The following INPP4B variants were observed in gnomAD, a reference collection of about 807,000 sequenced individuals.
INPP4B encodes the protein inositol polyphosphate 4-phosphatase type II.
In INPP4B, 55 loss-of-function variants were observed where a neutral mutation model predicts 122.5. The observed-to-expected ratio is 0.45, with a 90% confidence interval of 0.36 to 0.56. INPP4B has a LOEUF of 0.56. Ranked by LOEUF, INPP4B falls within the 20% of genes least tolerant of loss-of-function variation. The pLI is 0.00. For missense variants in INPP4B, 1,000 were observed against 1,097.7 expected, an observed-to-expected ratio of 0.91 and a Z score of 1.26; for synonymous variants, 403 against 388.7, an observed-to-expected ratio of 1.04 and a Z score of -0.43.
intron 13 of INPP4B, among the ~76,000 whole-genome samples, 176 bp downstream of exon 13, chr4:142,208,720 G>C (rs984773558): frequency 7.9e-5 from 12 of 151,924 alleles, no homozygotes; most frequent in African/African-American, 2.7e-4. Flanking sequence ...TAATAATTCT[G>C]TAAGGTAAAA....
intron 4 of INPP4B, 60 bp downstream of exon 4, chr4:142,431,109 T>C: frequency 7.8e-7 from 1 of 1,284,894 alleles, no homozygotes; most frequent in Non-Finnish European, 1.1e-6. Flanking sequence ...ATGTGTAAGT[T>C]TCATCGGCCC....
Position 142,632,062 on chromosome 4 carries a change from T to A in INPP4B, c.-191+93777A>T, listed in dbSNP as rs1748089153. Among the ~76,000 whole-genome samples, 5 of 152,170 alleles carry A rather than the reference T, an allele frequency of 3.3e-5. No homozygotes were observed. The South Asian group carries it at 1.0e-3, about 31-fold the overall frequency. On this transcript the variant is annotated intron_variant, in intron 2 of 25. Transcript: ENST00000262992. ...TGTCATTCTCTCAAACAGACAAGAATGCTATGTGCGTCATAGCCTATAATT... is the reference window on the plus strand; with the variant it reads ...TGTCATTCTCTCAAACAGACAAGAAAGCTATGTGCGTCATAGCCTATAATT...
At chr4:142,302,049 C>T (rs891676951) in intron 9 of INPP4B, among the ~76,000 whole-genome samples, 1 of 152,076 alleles carries the variant, frequency 6.6e-6, no homozygotes, top group Non-Finnish European at 1.5e-5. Context: ...AAAATTACAT[C>T]AGGTTGGTAG....
intron 2 of INPP4B, among the ~76,000 whole-genome samples, chr4:142,575,315 A>T (rs981911389): frequency 6.6e-6 from 1 of 152,044 alleles, no homozygotes; most frequent in Non-Finnish European, 1.5e-5. Context: ...AAATCAAAAC[A>T]AGAGTCATAG....
At chr4:142,384,797 ACCC>A (rs1795404129) in intron 7 of INPP4B, among the ~76,000 whole-genome samples, 1 of 152,052 alleles carries the variant, frequency 6.6e-6, no homozygotes, top group Non-Finnish European at 1.5e-5. Flanking sequence ...TAAGCCTAGT[ACCC>A]AATAGTTATT....
intron 2 of INPP4B, among the ~76,000 whole-genome samples, chr4:142,525,873 G>A: frequency 6.6e-6 from 1 of 151,260 alleles, no homozygotes; most frequent in Non-Finnish European, 1.5e-5. Context: ...GGCAACAAAA[G>A]ACAAAATTGA....
At position 142,254,866 on chromosome 4, in the gene INPP4B, A is replaced by G. The variant is rs201265425; in HGVS notation, c.688+5626T>C. Among the ~76,000 whole-genome samples the G allele has an allele frequency of 2.6e-5, 4 of 151,716 alleles. No homozygotes were observed. The East Asian group carries it at 7.8e-4, about 29-fold the overall frequency. On this transcript the variant is annotated intron_variant, in intron 11 of 25. Coordinates refer to ENST00000262992, the MANE Select transcript of INPP4B (RefSeq NM_001101669.3). Reference sequence around the variant, plus strand: ...GAAATACAGAGAATGCCACAAAGATACTCCTCGAGAAGAGCAACTCCAAGA... The same window carrying G: ...GAAATACAGAGAATGCCACAAAGATGCTCCTCGAGAAGAGCAACTCCAAGA...
chr4:142,673,722 G>A (rs762157801), intron 2 of INPP4B, among the ~76,000 whole-genome samples: 4 of 152,158 alleles, frequency 2.6e-5, no homozygotes, highest in African/African-American at 4.8e-5. Flanking sequence ...GACAACCTGA[G>A]TGTCAGTTGC....
At chr4:142,081,992 G>T in intron 25 of INPP4B, 39 bp downstream of exon 25, 3 of 1,257,568 alleles carry the variant, frequency 2.4e-6, no homozygotes, top group South Asian at 2.3e-5. Flanking sequence ...AACTCAAAAT[G>T]ACCTTAAAAG....
intron 7 of INPP4B, among the ~76,000 whole-genome samples, chr4:142,341,422 C>G (rs62328288): frequency 1.1e-4 from 1 of 8,708 alleles, no homozygotes; most frequent in Non-Finnish European, 5.9e-4. Flanking sequence ...AATACATAGG[C>G]ATTTGAGTAA....
intron 3 of INPP4B, among the ~76,000 whole-genome samples, chr4:142,436,657 G>A (rs1562096934): frequency 1.3e-5 from 2 of 152,092 alleles, no homozygotes; most frequent in Non-Finnish European, 2.9e-5. Flanking sequence ...AACCACAGCA[G>A]CCCTACAGAA....
chr4:142,745,590 G>C (rs1382645583), intron 1 of INPP4B, among the ~76,000 whole-genome samples: 1 of 151,728 alleles, frequency 6.6e-6, no homozygotes, highest in Non-Finnish European at 1.5e-5. Flanking sequence ...GTAACCCTTG[G>C]AATAAATACT....
rs555185758 is a variant in INPP4B, at chr4:142,258,505, A to T, written c.688+1987T>A. On this transcript the variant is annotated intron_variant, in intron 11 of 25. Transcript: ENST00000262992. ...CTACAATGAACTCAAACAAATTTACAAGAAAACAACAAACAACCCCATCAA... is the reference window on the plus strand; with the variant it reads ...CTACAATGAACTCAAACAAATTTACTAGAAAACAACAAACAACCCCATCAA... 2.0e-5 allele frequency among the ~76,000 whole-genome samples: 3 copies of T among 152,366 alleles called. No homozygotes were observed. In the South Asian group the frequency reaches 6.2e-4, roughly 32 times the overall value.
At chr4:142,836,064 G>T (rs1036679380) in intron 1 of INPP4B, among the ~76,000 whole-genome samples, 12 of 152,140 alleles carry the variant, frequency 7.9e-5, no homozygotes, top group African/African-American at 2.9e-4. Flanking sequence ...CATATGGCAT[G>T]AAAAGTCCCC....
chr4:142,087,601 A>G (rs1777471371), intron 23 of INPP4B, among the ~76,000 whole-genome samples: 1 of 152,196 alleles, frequency 6.6e-6, no homozygotes. Flanking sequence ...ACAGGAGAAA[A>G]TAAGATGGAC....
At chr4:142,219,686 T>A (rs945090156) in intron 12 of INPP4B, among the ~76,000 whole-genome samples, 1 of 152,178 alleles carries the variant, frequency 6.6e-6, no homozygotes, top group African/African-American at 2.4e-5. Flanking sequence ...GTGCCCACAA[T>A]TTCAGAAATA....
At chr4:142,580,072 G>A (rs147488373) in intron 2 of INPP4B, among the ~76,000 whole-genome samples, 2 of 151,354 alleles carry the variant, frequency 1.3e-5, no homozygotes, top group Non-Finnish European at 2.9e-5. Context: ...GGGGTGGAGG[G>A]AGCTGTGGAA....
rs567983554 is a variant in INPP4B at position 142,083,743 on chromosome 4, T to G, written c.2488-1558A>C. Among the ~76,000 whole-genome samples the G allele has an allele frequency of 1.0e-3, 153 of 152,282 alleles. 1 individual carries two copies. The highest frequency in any genetic ancestry group is 3.6e-3 in the African/African-American group (151 of 41,566). On this transcript the variant is annotated intron_variant, in intron 24 of 25. Coordinates refer to ENST00000262992, the MANE Select transcript of INPP4B (RefSeq NM_001101669.3). ...TAGAAAAATGTGAGAGCATGATGTC[T>G]CCATACAATCTTTTTACATCTAAAA...
In INPP4B at chr4:142,733,737, T is replaced by A. The variant is rs139474029; in HGVS notation, c.-253-7836A>T. On this transcript the variant is annotated intron_variant, in intron 1 of 25. Coordinates refer to ENST00000262992, the MANE Select transcript of INPP4B (RefSeq NM_001101669.3). ...TGGTAGTATCTCTCCTTTGATAGTG[T>A]CTCACCTTATGGCTGTGCAATTCCA... Among the ~76,000 whole-genome samples the A allele has an allele frequency of 2.9e-4, 44 of 152,316 alleles. No homozygotes were observed. The East Asian group carries it at 6.6e-3, about 23-fold the overall frequency.
Sources: gnomAD v4.1 joint callset for allele counts (sites outside exome capture counted in the v4.1 genomes callset) on GRCh38, gnomAD v4.1.1 for gene constraint, MANE v1.5 for transcripts, NCBI Gene and HGNC (gene_info 2026-07-23, HGNC 2026-07-21) for gene names.